UBE2J2: variants seen among roughly 807,000 people sequenced by gnomAD.
UBE2J2 encodes ubiquitin-conjugating enzyme E2 J2.
UBE2J2 carries 5 observed loss-of-function variants against 28.6 expected under a neutral mutation model. The ratio of observed to expected loss-of-function variants is 0.17; its 90% CI spans 0.09 to 0.37. The LOEUF (loss-of-function observed/expected upper bound fraction) is 0.37, where lower values mean the gene tolerates loss of function less well. Among genes scored for constraint, UBE2J2 ranks in the 10% least tolerant of loss-of-function variants. The pLI, the probability that UBE2J2 is intolerant of heterozygous loss-of-function variation, is 1.00. For missense variants in UBE2J2, 226 were observed against 338.9 expected, an observed-to-expected ratio of 0.67 and a Z score of 2.62; for synonymous variants, 138 against 139.7, an observed-to-expected ratio of 0.99 and a Z score of 0.09.
intron 1 of UBE2J2, among the ~76,000 whole-genome samples, chr1:1,269,785 G>A (rs546333803): frequency 6.6e-6 from 1 of 152,144 alleles, no homozygotes; most frequent in East Asian, 1.9e-4. Context: ...ATTTAATAAC[G>A]TCTGTGGACA....
intron 3 of UBE2J2, among the ~76,000 whole-genome samples, chr1:1,260,937 C>G (rs1181560583): frequency 6.6e-6 from 1 of 152,198 alleles, no homozygotes; most frequent in Non-Finnish European, 1.5e-5. Flanking sequence ...TTGTAGGAAG[C>G]CAGCTCTGAA....
chr1:1,263,612 A>T, intron 2 of UBE2J2: 1 of 467,124 alleles, frequency 2.1e-6, no homozygotes, highest in South Asian at 3.0e-5. Context: ...ACTATACTTT[A>T]TAAGTTTACC....
chr1:1,266,298 T>C (rs538074875), intron 2 of UBE2J2: 104 of 769,476 alleles, frequency 1.4e-4, no homozygotes, highest in Non-Finnish European at 1.7e-4. Flanking sequence ...TCTCTGGAAT[T>C]AAAAAAAATT....
intron 1 of UBE2J2, chr1:1,272,844 G>A (rs552282737): frequency 3.2e-5 from 5 of 154,222 alleles, no homozygotes; most frequent in East Asian, 1.9e-4. Flanking sequence ...GACTAAGCGA[G>A]ATACTCACGA....
At chr1:1,262,712 C>T (rs908085967) in intron 3 of UBE2J2, 5 of 172,760 alleles carry the variant, frequency 2.9e-5, no homozygotes, top group Admixed American at 1.7e-4. Flanking sequence ...TGGTCCAGAT[C>T]GAGGCTGGCG....
chr1:1,263,484 TAC>T, intron 2 of UBE2J2, 98 bp from the exon 3 acceptor site: 1 of 1,028,840 alleles, frequency 9.7e-7, no homozygotes, highest in Non-Finnish European at 1.5e-6. Flanking sequence ...CAGCCAAAAT[TAC>T]ATTCACATTC....
intron 3 of UBE2J2, 97 bp from the exon 4 acceptor site, chr1:1,257,407 C>CCCCCCCACCG: frequency 9.0e-6 from 5 of 554,636 alleles, no homozygotes; most frequent in South Asian, 2.2e-5. Context: ...CCCCCCCCCC[C>CCCCCCCACCG]CTCAGCTCGG....
At chr1:1,270,229 A>G (rs938841167) in intron 1 of UBE2J2, among the ~76,000 whole-genome samples, 18 of 152,198 alleles carry the variant, frequency 1.2e-4, no homozygotes, top group African/African-American at 3.9e-4. Flanking sequence ...TCTTTATAGC[A>G]GCATGAGAAC....
intron 2 of UBE2J2, among the ~76,000 whole-genome samples, chr1:1,266,550 G>GCA (rs1639873987): frequency 6.6e-6 from 1 of 152,124 alleles, no homozygotes; most frequent in Non-Finnish European, 1.5e-5. Context: ...GGCCGGGCGT[G>GCA]GTGGCTCACG....
At chr1:1,260,688 G>A (rs1283395579) in intron 3 of UBE2J2, among the ~76,000 whole-genome samples, 1 of 152,242 alleles carries the variant, frequency 6.6e-6, no homozygotes, top group Non-Finnish European at 1.5e-5. Context: ...TGAAAAGCCT[G>A]AGGCAAAGGC....
intron 1 of UBE2J2, among the ~76,000 whole-genome samples, chr1:1,270,520 G>A (rs1309706104): frequency 6.6e-6 from 1 of 152,030 alleles, no homozygotes; most frequent in African/African-American, 2.4e-5. Flanking sequence ...TTCTTGTTCT[G>A]GGGTCCCTGA....
At chr1:1,263,919 G>A (rs148489386) in intron 2 of UBE2J2, among the ~76,000 whole-genome samples, 1 of 152,252 alleles carries the variant, frequency 6.6e-6, no homozygotes, top group African/African-American at 2.4e-5. Context: ...TTGAGCCCAG[G>A]AGTTTAAGGC....
chr1:1,261,822 A>AT (rs1639579217), intron 3 of UBE2J2, among the ~76,000 whole-genome samples: 2 of 146,768 alleles, frequency 1.4e-5, no homozygotes, highest in South Asian at 4.3e-4. Context: ...AATTTTTTGT[A>AT]TTTTTTTAGT....
chr1:1,257,799 C>T (rs1183094970), intron 3 of UBE2J2, among the ~76,000 whole-genome samples: 1 of 152,068 alleles, frequency 6.6e-6, no homozygotes, highest in African/African-American at 2.4e-5. Flanking sequence ...GACCCAACTG[C>T]ACCCAAAGGC....
At chr1:1,267,784 G>C (rs1639952596) in intron 2 of UBE2J2, 78 bp downstream of exon 2, 5 of 1,582,982 alleles carry the variant, frequency 3.2e-6, no homozygotes, top group South Asian at 1.1e-5. Context: ...GGGGCACCAG[G>C]CTCGCCCAGC....
chr1:1,265,591 G>GTT (rs59465136), intron 2 of UBE2J2, among the ~76,000 whole-genome samples: 14 of 141,218 alleles, frequency 9.9e-5, no homozygotes, highest in African/African-American at 3.8e-4. Context: ...GTGTGTGTGT[G>GTT]TTTTCTCTCC....
intron 2 of UBE2J2, chr1:1,267,597 G>GC (rs1372170295): frequency 6.3e-6 from 5 of 791,720 alleles, no homozygotes; most frequent in African/African-American, 5.3e-5. Flanking sequence ...CCTGGACCCC[G>GC]CCCCCCTCAA....
chr1:1,255,635 C>T (rs1221622758), intron 6 of UBE2J2, 148 bp from the exon 7 acceptor site: 10 of 974,106 alleles, frequency 1.0e-5, no homozygotes, highest in East Asian at 2.6e-5. Flanking sequence ...GGTGAGGGCC[C>T]GAGCGTGGCC....
intron 3 of UBE2J2, among the ~76,000 whole-genome samples, chr1:1,261,849 C>T (rs1234169586): frequency 1.3e-5 from 2 of 150,870 alleles, no homozygotes; most frequent in African/African-American, 2.5e-5. Context: ...AAGGTTTCAC[C>T]GTATTAGCAA....
Sources: gnomAD v4.1 joint callset for allele counts (sites outside exome capture counted in the v4.1 genomes callset) on GRCh38, gnomAD v4.1.1 for gene constraint, MANE v1.5 for transcripts, NCBI Gene and HGNC (gene_info 2026-07-23, HGNC 2026-07-21) for gene names.